The following SEMA3A variants were observed in gnomAD, a reference collection of about 807,000 sequenced individuals.
The protein encoded by SEMA3A is semaphorin 3A, also known as semaphorin-3A.
In SEMA3A, 29 loss-of-function variants were observed where a neutral mutation model predicts 97.9. The observed-to-expected ratio is 0.30, with a 90% CI of 0.22 to 0.40. The LOEUF (loss-of-function observed/expected upper bound fraction) is 0.40. Ranked by LOEUF, SEMA3A falls within the 10% of genes least tolerant of loss-of-function variation. SEMA3A has a pLI of 1.00. For synonymous variants in SEMA3A, 321 were observed against 323.7 expected (o/e 0.99, Z 0.09); for missense variants, 763 against 951.3 (o/e 0.80, Z 2.60).
chr7:84,281,010 G>A (rs185971722), intron 3 of SEMA3A, among the ~76,000 whole-genome samples: 21 of 152,114 alleles, frequency 1.4e-4, no homozygotes, highest in Admixed American at 1.1e-3. Context: ...TTAATGCCAT[G>A]GCTCCTTGCC....
At chr7:84,163,603 G>A (rs1317147609) in intron 1 of SEMA3A, among the ~76,000 whole-genome samples, 1 of 151,834 alleles carries the variant, frequency 6.6e-6, no homozygotes, top group Non-Finnish European at 1.5e-5. Context: ...AGTATCCCTC[G>A]ATATATTGTT....
intron 3 of SEMA3A, among the ~76,000 whole-genome samples, chr7:84,299,340 C>CTCCATATATATGTA (rs1800949312): frequency 3.2e-5 from 4 of 123,520 alleles, no homozygotes; most frequent in Non-Finnish European, 5.0e-5. Context: ...ATATATGTAT[C>CTCCATATATATGTA]TCTCTCTCTC....
chr7:84,078,233 G>C (rs1304268686), intron 4 of SEMA3A, among the ~76,000 whole-genome samples: 1 of 151,978 alleles, frequency 6.6e-6, no homozygotes, highest in African/African-American at 2.4e-5. Context: ...ACAGTGCATG[G>C]AGTGAATCTA....
chr7:84,454,134 A>G (rs936486381), intron 1 of SEMA3A, among the ~76,000 whole-genome samples: 1 of 152,006 alleles, frequency 6.6e-6, no homozygotes, highest in African/African-American at 2.4e-5. Context: ...AGGCATCTGA[A>G]CTCTTTTCTT....
intron 6 of SEMA3A, among the ~76,000 whole-genome samples, chr7:84,038,699 G>A (rs1308162227): frequency 6.6e-6 from 1 of 152,002 alleles, no homozygotes; most frequent in South Asian, 2.1e-4. Context: ...CATAAGTGCA[G>A]TTAATGTCTT....
chr7:84,049,815 T>G lies in SEMA3A; in HGVS notation c.548-3372A>C, dbSNP rs372546122. Among the ~76,000 whole-genome samples, 17 of 150,074 alleles carry G rather than the reference T, an allele frequency of 1.1e-4. No individual in the cohort carries two copies. In the East Asian group the frequency reaches 2.4e-3, roughly 21 times the overall value. The stretch of plus-strand genomic sequence containing the variant: ...TGCCATGCTGGTGTGCTGCACCCAC[T>G]AACTCATCATCTAGCATTAGGTATA... On this transcript the variant is annotated intron_variant, in intron 5 of 16. Transcript: ENST00000265362.
chr7:84,091,167 G>GGAAAGAAAGAAAGAAA lies in SEMA3A; in HGVS notation c.453+19287_453+19302dup, dbSNP rs1165324789. Reference sequence around the variant, plus strand: ...AGGAAGGAAGGAAGGAAGGAAGGAAGGAAAGAAAGAAAGAAAGAAAGAAAG... The same window carrying GGAAAGAAAGAAAGAAA: ...AGGAAGGAAGGAAGGAAGGAAGGAAGGAAAGAAAGAAAGAAAGAAAGAAAGAAAGAAAGAAAGAAAG... On this transcript the variant is annotated intron_variant, in intron 4 of 16. Transcript: ENST00000265362. 3.5e-3 allele frequency among the ~76,000 whole-genome samples: 152 copies of GGAAAGAAAGAAAGAAA among 42,866 alleles called. 4 individuals are homozygous for GGAAAGAAAGAAAGAAA. Among genetic ancestry groups the GGAAAGAAAGAAAGAAA allele is most frequent in the South Asian group, 4.1e-3 (5 of 1,222 alleles). The allele number at this position is 42,866 out of a possible 152,430, so 28.1% of individuals were successfully genotyped here.
intron 4 of SEMA3A, among the ~76,000 whole-genome samples, chr7:84,064,444 T>C (rs1222312341): frequency 6.6e-6 from 1 of 152,092 alleles, no homozygotes; most frequent in African/African-American, 2.4e-5. Flanking sequence ...GTAAATGGAC[T>C]AAATGCTCCA....
intron 6 of SEMA3A, among the ~76,000 whole-genome samples, chr7:84,020,139 G>A (rs1310737656): frequency 3.8e-5 from 5 of 132,034 alleles, no homozygotes; most frequent in Admixed American, 2.8e-4. Flanking sequence ...TCCACCACCC[G>A]GGTTCAAGTG....
At chr7:84,144,525 T>C (rs1796408726) in intron 1 of SEMA3A, among the ~76,000 whole-genome samples, 2 of 152,126 alleles carry the variant, frequency 1.3e-5, no homozygotes, top group African/African-American at 4.8e-5. Flanking sequence ...GAAGTAATAA[T>C]TAATAGAACT....
intron 4 of SEMA3A, among the ~76,000 whole-genome samples, chr7:84,104,960 C>T (rs568563984): frequency 1.3e-5 from 2 of 152,180 alleles, no homozygotes; most frequent in East Asian, 1.9e-4. Context: ...ACCTAGAAAC[C>T]ACTATGGACT....
rs141539243 is a variant in SEMA3A, at chr7:84,093,668, C to A, written c.453+16802G>T. Among the ~76,000 whole-genome samples the A allele has an allele frequency of 7.7e-3, 1,165 of 152,098 alleles. 11 individuals are homozygous for A. The highest frequency in any genetic ancestry group is 0.027 in the African/African-American group (1,103 of 41,488). On this transcript the variant is annotated intron_variant, in intron 4 of 16. Transcript: ENST00000265362. ...GCAGGGACATGACTGGAGCTGAAAGCCATAATCCTCAGCAAACTAACACAG... is the reference window on the plus strand; with the variant it reads ...GCAGGGACATGACTGGAGCTGAAAGACATAATCCTCAGCAAACTAACACAG...
Position 84,339,749 on chromosome 7 carries a change from TAAG to T in SEMA3A, c.-169+32072_-169+32074del, listed in dbSNP as rs1257200526. On this transcript the variant is annotated intron_variant, in intron 2 of 3. Coordinates refer to the SEMA3A transcript ENST00000424555. The stretch of plus-strand genomic sequence containing the variant: ...TTCGTTTTTTCCTTGATAAGTACAG[TAAG>T]AAGAATTCTGTGAAGTAGAGCTAAA... Among the ~76,000 whole-genome samples the T allele has an allele frequency of 3.3e-5, 5 of 152,300 alleles. No homozygotes were observed. The East Asian group carries it at 5.8e-4, about 18-fold the overall frequency.
rs78995725 is a variant in SEMA3A at position 84,456,055 on chromosome 7, T to C, written c.-246+36405A>G. 5.8e-3 allele frequency among the ~76,000 whole-genome samples: 882 copies of C among 152,028 alleles called. 11 individuals carry two copies. Among genetic ancestry groups the C allele is most frequent in the African/African-American group, 0.02 (829 of 41,516 alleles). On this transcript the variant is annotated intron_variant, in intron 1 of 3. Coordinates refer to the SEMA3A transcript ENST00000424555. ...TATGTGATCCTTGGCAATTCAGGCCTTAAAGTAGATTTAACACTTGCAAAT... is the reference window on the plus strand; with the variant it reads ...TATGTGATCCTTGGCAATTCAGGCCCTAAAGTAGATTTAACACTTGCAAAT...
At chr7:84,477,062 T>TAAAA (rs1423521163) in intron 1 of SEMA3A, among the ~76,000 whole-genome samples, 19 of 127,428 alleles carry the variant, frequency 1.5e-4, no homozygotes, top group African/African-American at 5.6e-4. Context: ...ATGTGTTTGT[T>TAAAA]AAAAAAAAAA....
chr7:84,143,205 A>ACATGTGTTTCTACAAAACAT (rs1562809434), intron 1 of SEMA3A, among the ~76,000 whole-genome samples: 3 of 152,114 alleles, frequency 2.0e-5, no homozygotes, highest in African/African-American at 7.2e-5. Context: ...AAACACATGC[A>ACATGTGTTTCTACAAAACAT]CTTTCTACTG....
At chr7:84,469,975 T>G (rs1806106449) in intron 1 of SEMA3A, among the ~76,000 whole-genome samples, 1 of 151,738 alleles carries the variant, frequency 6.6e-6, no homozygotes, top group Non-Finnish European at 1.5e-5. Flanking sequence ...ATTAGATTTT[T>G]TAATTGTTAA....
At chr7:84,009,928 A>C (rs1400658881) in intron 9 of SEMA3A, among the ~76,000 whole-genome samples, 1 of 146,512 alleles carries the variant, frequency 6.8e-6, no homozygotes, top group African/African-American at 2.5e-5. Context: ...AAAAAAAAAA[A>C]CCCAGTCATA....
intron 1 of SEMA3A, among the ~76,000 whole-genome samples, chr7:84,444,611 G>T (rs571288322): frequency 6.7e-6 from 1 of 149,858 alleles, no homozygotes; most frequent in East Asian, 2.0e-4. Context: ...TCCCAGTCTG[G>T]AGTACAGTGA....
Sources: allele counts gnomAD v4.1 joint callset (sites outside exome capture counted in the v4.1 genomes callset), GRCh38; gene constraint gnomAD v4.1.1; transcripts MANE v1.5; gene names NCBI Gene and HGNC (gene_info 2026-07-23, HGNC 2026-07-21).